PTK2: variants seen among roughly 807,000 people sequenced by gnomAD.
PTK2 encodes protein tyrosine kinase 2, also known as focal adhesion kinase 1.
A neutral mutation model predicts 150.1 loss-of-function variants in PTK2; 45 were observed. The observed-to-expected ratio is 0.30, with a 90% confidence interval of 0.24 to 0.38. The LOEUF (loss-of-function observed/expected upper bound fraction) is 0.38, where lower values mean the gene tolerates loss of function less well. Ranked by LOEUF, PTK2 falls within the 10% of genes least tolerant of loss-of-function variation. PTK2 has a pLI of 1.00. For synonymous variants in PTK2, 432 were observed against 449.2 expected (o/e 0.96, Z 0.48); for missense variants, 919 against 1,307.3 (o/e 0.70, Z 4.58).
rs189225938 is a variant in PTK2 at position 140,678,328 on chromosome 8, G to T, written c.2563-2829C>A. 1.4e-3 allele frequency among the ~76,000 whole-genome samples: 213 copies of T among 152,264 alleles called. 1 individual carries two copies. Among genetic ancestry groups the T allele is most frequent in the Admixed American group, 2.1e-3 (32 of 15,290 alleles). On this transcript the variant is annotated intron_variant, in intron 27 of 31. Coordinates refer to ENST00000522684, the Ensembl canonical transcript of PTK2. ...CTCCCAAAGTGTTGGGATTACAGGC[G>T]TGAGCCACTGCGCCTGGCCCTTATT...
intron 2 of PTK2, among the ~76,000 whole-genome samples, chr8:140,917,346 G>T (rs2100165681): frequency 6.6e-6 from 1 of 151,742 alleles, no homozygotes; most frequent in Non-Finnish European, 1.5e-5. Flanking sequence ...TGCCAGGAAA[G>T]GACAGGAAAG....
intron 7 of PTK2, among the ~76,000 whole-genome samples, chr8:140,837,496 A>G (rs372354599): frequency 2.6e-5 from 4 of 152,296 alleles, no homozygotes; most frequent in African/African-American, 7.2e-5. Context: ...TGGGAGGCCA[A>G]CGCGGGTGGA....
At chr8:140,675,321 G>C (rs2100013000) in intron 28 of PTK2, 139 bp downstream of exon 31, 1 of 880,052 alleles carries the variant, frequency 1.1e-6, no homozygotes, top group South Asian at 1.6e-5. Context: ...GCTGAATGTG[G>C]TAAACATCGT....
chr8:140,665,731 C>A (rs1232708631), intron 30 of PTK2, among the ~76,000 whole-genome samples: 3 of 151,938 alleles, frequency 2.0e-5, no homozygotes, highest in African/African-American at 7.3e-5. Flanking sequence ...GATCAACATA[C>A]AAAAAGAACG....
At chr8:140,772,757 C>G (rs907348602) in intron 14 of PTK2, among the ~76,000 whole-genome samples, 8 of 151,906 alleles carry the variant, frequency 5.3e-5, no homozygotes, top group Non-Finnish European at 8.8e-5. Flanking sequence ...AGCAAGTGAG[C>G]CAAAATATAA....
At chr8:140,751,328 C>T (rs982966021) in intron 17 of PTK2, among the ~76,000 whole-genome samples, 5 of 152,012 alleles carry the variant, frequency 3.3e-5, no homozygotes, top group Non-Finnish European at 7.4e-5. Flanking sequence ...GCCACCATGC[C>T]CAGCTAATTT....
chr8:140,729,235 C>T (rs891345977), intron 22 of PTK2, among the ~76,000 whole-genome samples: 10 of 152,102 alleles, frequency 6.6e-5, no homozygotes, highest in African/African-American at 1.4e-4. Context: ...CAAAAAAACA[C>T]GCACGCACAA....
chr8:140,868,061 T>C (rs745929982), intron 4 of PTK2, among the ~76,000 whole-genome samples: 30 of 152,228 alleles, frequency 2.0e-4, no homozygotes, highest in Non-Finnish European at 4.3e-4. Flanking sequence ...GTTCCTACTC[T>C]TAGGCAATAT....
intron 1 of PTK2, among the ~76,000 whole-genome samples, chr8:140,932,641 G>A (rs2100172259): frequency 6.6e-6 from 1 of 152,146 alleles, no homozygotes; most frequent in Admixed American, 6.5e-5. Context: ...GAATTTCAAA[G>A]GAAGCATGCC....
chr8:140,749,306 C>T (rs1012501570), intron 17 of PTK2, among the ~76,000 whole-genome samples: 8 of 152,170 alleles, frequency 5.3e-5, no homozygotes, highest in South Asian at 4.1e-4. Context: ...TATTCACAAC[C>T]GTACTTTCAA....
intron 1 of PTK2, among the ~76,000 whole-genome samples, chr8:140,948,175 G>A (rs554952664): frequency 5.3e-5 from 8 of 152,100 alleles, no homozygotes; most frequent in Admixed American, 2.0e-4. Flanking sequence ...AACAAATACC[G>A]GAGAAAACAA....
intron 26 of PTK2, among the ~76,000 whole-genome samples, chr8:140,699,085 T>G (rs759977922): frequency 2.0e-5 from 3 of 151,896 alleles, no homozygotes; most frequent in Non-Finnish European, 4.4e-5. Flanking sequence ...AAATAACAAT[T>G]TTTTTTTCCC....
chr8:140,918,942 A>G (rs1376207781), intron 2 of PTK2, among the ~76,000 whole-genome samples: 4 of 152,220 alleles, frequency 2.6e-5, no homozygotes, highest in Admixed American at 6.5e-5. Context: ...CACACAGATA[A>G]AAATTAACCA....
At chr8:140,740,551 T>C (rs1437878472) in intron 20 of PTK2, among the ~76,000 whole-genome samples, 1 of 152,232 alleles carries the variant, frequency 6.6e-6, no homozygotes, top group African/African-American at 2.4e-5. Context: ...TTTGTACTTA[T>C]TTCTATAGCC....
intron 1 of PTK2, among the ~76,000 whole-genome samples, chr8:140,961,378 C>T (rs1444369574): frequency 6.6e-6 from 1 of 152,046 alleles, no homozygotes; most frequent in Non-Finnish European, 1.5e-5. Flanking sequence ...TTTGGTACTA[C>T]AGGCCGAGCG....
At chr8:140,818,292 C>G (rs1235401559) in exon 10 of PTK2, 6 of 1,613,680 alleles carry the variant, frequency 3.7e-6, no homozygotes. Flanking sequence ...AGCCCTTGTC[C>G]GTTAGGTAAC....
chr8:141,000,631 G>A (rs1190387408), intron 1 of PTK2, among the ~76,000 whole-genome samples: 1 of 145,504 alleles, frequency 6.9e-6, no homozygotes, highest in Non-Finnish European at 1.5e-5. Context: ...GTCTTCCTCA[G>A]GCCCCTCGGC....
intron 14 of PTK2, among the ~76,000 whole-genome samples, chr8:140,787,276 C>T (rs956691134): frequency 6.6e-6 from 1 of 152,148 alleles, no homozygotes; most frequent in Non-Finnish European, 1.5e-5. Context: ...ATTTTAGCAG[C>T]TATGTAACCT....
intron 28 of PTK2, among the ~76,000 whole-genome samples, chr8:140,674,747 TAAAA>T (rs1175498781): frequency 6.8e-6 from 1 of 146,308 alleles, no homozygotes; most frequent in African/African-American, 2.5e-5. Flanking sequence ...CTCAAAAAAA[TAAAA>T]AAAAGAGAAA....
Sources: allele counts gnomAD v4.1 joint callset (sites outside exome capture counted in the v4.1 genomes callset), GRCh38; gene constraint gnomAD v4.1.1; transcripts MANE v1.5; gene names NCBI Gene and HGNC (gene_info 2026-07-23, HGNC 2026-07-21).